TRMT11: variants seen among roughly 807,000 people sequenced by gnomAD.
The protein encoded by TRMT11 is tRNA methyltransferase 11, also known as tRNA (guanine(10)-N(2))-methyltransferase TRMT11.
A neutral mutation model predicts 62.8 loss-of-function variants in TRMT11; 53 were observed. The ratio of observed to expected loss-of-function variants is 0.84; its 90% CI spans 0.68 to 1.06. The LOEUF (loss-of-function observed/expected upper bound fraction) is 1.06, where lower values mean the gene tolerates loss of function less well. TRMT11 is among the 50% of genes least tolerant of loss of function. TRMT11 has a pLI of 0.00. For missense variants in TRMT11, 556 were observed against 553.4 expected (o/e 1.00, Z -0.05); for synonymous variants, 188 against 190.3 (o/e 0.99, Z 0.10).
At chr6:126,054,411 A>G (rs1776309769) in intron 17 of TRMT11, among the ~76,000 whole-genome samples, 1 of 152,210 alleles carries the variant, frequency 6.6e-6, no homozygotes. Context: ...ACACTGTGGT[A>G]AGAGATTGCC....
chr6:126,124,558 T>C lies in TRMT11; in HGVS notation c.*1823+8703T>C, dbSNP rs188208497. Among the ~76,000 whole-genome samples, 120 of 152,240 alleles carry C rather than the reference T, an allele frequency of 7.9e-4. 2 individuals carry two copies. Among genetic ancestry groups the C allele is most frequent in the Non-Finnish European group, 4.4e-4 (30 of 68,006 alleles). ...CTTTGGGCAATAAAATATGACAGGA[T>C]TGACACTGTATCACTTCCAAGGTTA... is the stretch of plus-strand genomic sequence containing the variant. On this transcript the variant is annotated intron_variant and NMD_transcript_variant, in intron 21 of 22. Coordinates refer to the TRMT11 transcript ENST00000648977.
intron 7 of TRMT11, among the ~76,000 whole-genome samples, chr6:126,002,250 T>G (rs1792622787): frequency 6.6e-6 from 1 of 152,226 alleles, no homozygotes; most frequent in Admixed American, 6.5e-5. Flanking sequence ...TCTTATATAC[T>G]GTGCGTATGC....
chr6:126,054,170 A>C (rs1776301556), intron 17 of TRMT11, among the ~76,000 whole-genome samples: 1 of 152,188 alleles, frequency 6.6e-6, no homozygotes, highest in East Asian at 1.9e-4. Context: ...AATTTCTTTC[A>C]AAATGGTGTC....
chr6:125,987,813 G>T (rs534925592), intron 1 of TRMT11, among the ~76,000 whole-genome samples: 14 of 152,324 alleles, frequency 9.2e-5, no homozygotes, highest in African/African-American at 3.1e-4. Context: ...GCAGATGTAA[G>T]ATTTAAATTT....
At chr6:126,224,319 T>C in the TRMT11 span, among the ~76,000 whole-genome samples, 14 of 152,362 alleles carry the variant, frequency 9.2e-5, no homozygotes, top group African/African-American at 2.9e-4. Flanking sequence ...GAATGAGGCT[T>C]TTTGCCTTTA....
the TRMT11 span, among the ~76,000 whole-genome samples, chr6:126,219,705 CCT>C: frequency 6.6e-6 from 1 of 152,162 alleles, no homozygotes; most frequent in Admixed American, 6.5e-5. Context: ...CTAACAACTG[CCT>C]CTCTCACTAT....
chr6:126,215,488 CTGATA>C, the TRMT11 span, among the ~76,000 whole-genome samples: 6 of 151,956 alleles, frequency 3.9e-5, no homozygotes, highest in African/African-American at 1.4e-4. Flanking sequence ...TCTATTTTGT[CTGATA>C]TAAGTATAGT....
At chr6:126,127,114 G>A (rs764276195) in intron 21 of TRMT11, among the ~76,000 whole-genome samples, 1 of 152,136 alleles carries the variant, frequency 6.6e-6, no homozygotes, top group Non-Finnish European at 1.5e-5. Context: ...AGTGTTCAGT[G>A]CACTTCTGAG....
At chr6:126,011,108 T>C in intron 8 of TRMT11, 145 bp from the exon 9 acceptor site, 1 of 600,948 alleles carries the variant, frequency 1.7e-6, no homozygotes, top group Non-Finnish European at 2.8e-6. Context: ...ACTATTTACT[T>C]GTATACATAA....
the TRMT11 span, among the ~76,000 whole-genome samples, chr6:126,223,148 G>T: frequency 7.2e-5 from 11 of 152,182 alleles, no homozygotes; most frequent in Non-Finnish European, 1.6e-4. Flanking sequence ...GAGGCTGGGC[G>T]CAGTGGCTCA....
Position 125,996,049 on chromosome 6 carries a change from A to G in TRMT11, c.212+9A>G, listed in dbSNP as rs1406887574. ...CGGACAGTGTGTGCCAAGTAAGAGAAACTTATGTTCTCCTGCATGAATATA... is the reference window on the plus strand; with the variant it reads ...CGGACAGTGTGTGCCAAGTAAGAGAGACTTATGTTCTCCTGCATGAATATA... On this transcript the variant is annotated intron_variant, in intron 3 of 12. Coordinates refer to ENST00000334379, the MANE Select transcript of TRMT11 (RefSeq NM_001031712.3). 6.3e-7 allele frequency: 1 copy of G among 1,580,162 alleles called. No individual in the cohort carries two copies. Among genetic ancestry groups the G allele is most frequent in the Non-Finnish European group, 8.7e-7 (1 of 1,149,166 alleles).
chr6:126,205,750 A>C (rs1778782994), downstream of TRMT11, among the ~76,000 whole-genome samples: 1 of 151,994 alleles, frequency 6.6e-6, no homozygotes, highest in Non-Finnish European at 1.5e-5. Context: ...TCTTTCTGGC[A>C]AGAGGAGTTG....
the TRMT11 span, among the ~76,000 whole-genome samples, chr6:126,241,143 C>A: frequency 6.6e-6 from 1 of 152,236 alleles, no homozygotes; most frequent in Non-Finnish European, 1.5e-5. Context: ...AATTCCCTGA[C>A]CCCTTGCCCT....
At chr6:126,093,625 A>ATTTTTTTTTTTTTTTT (rs1483189635) in intron 17 of TRMT11, among the ~76,000 whole-genome samples, 28 of 103,514 alleles carry the variant, frequency 2.7e-4, no homozygotes, top group African/African-American at 1.3e-3. Context: ...ATATATATAT[A>ATTTTTTTTTTTTTTTT]TATATATTTT....
chr6:126,208,785 C>T (rs1043152984), downstream of TRMT11, among the ~76,000 whole-genome samples: 4 of 152,284 alleles, frequency 2.6e-5, no homozygotes, highest in African/African-American at 7.2e-5. Flanking sequence ...GGCTGGACTC[C>T]AATATATTAT....
At chr6:126,202,085 TTGTTTAAC>T (rs1020115040) in exon 4 of TRMT11, 23 of 152,330 alleles carry the variant, frequency 1.5e-4, no homozygotes, top group African/African-American at 5.5e-4. Context: ...TTAAATAACA[TTGTTTAAC>T]CATTTTGCCA....
chr6:126,139,860 A>G (rs1398819208), intron 21 of TRMT11, among the ~76,000 whole-genome samples: 1 of 152,118 alleles, frequency 6.6e-6, no homozygotes, highest in African/African-American at 2.4e-5. Flanking sequence ...TAATTATTAT[A>G]TCATTTGCAA....
At chr6:126,185,119 T>C (rs1778512540) in intron 1 of TRMT11, among the ~76,000 whole-genome samples, 1 of 152,126 alleles carries the variant, frequency 6.6e-6, no homozygotes, top group African/African-American at 2.4e-5. Flanking sequence ...GGAGAAAACA[T>C]GGTAGGTGAG....
chr6:126,080,792 G>A (rs1209981241), intron 17 of TRMT11, among the ~76,000 whole-genome samples: 1 of 152,110 alleles, frequency 6.6e-6, no homozygotes, highest in African/African-American at 2.4e-5. Flanking sequence ...AACTCACAGT[G>A]GGCCCAGTTG....
Sources: gnomAD v4.1 joint callset for allele counts (sites outside exome capture counted in the v4.1 genomes callset) on GRCh38, gnomAD v4.1.1 for gene constraint, MANE v1.5 for transcripts, NCBI Gene and HGNC (gene_info 2026-07-23, HGNC 2026-07-21) for gene names.